The following TAS1R2 variants were observed in gnomAD, a reference collection of about 807,000 sequenced individuals.
TAS1R2 encodes the protein taste receptor type 1 member 2.
In TAS1R2, 47 loss-of-function variants were observed where a neutral mutation model predicts 49.3. The observed-to-expected ratio is 0.95, with a 90% CI of 0.75 to 1.22. The LOEUF is 1.22. Ranked by LOEUF, TAS1R2 falls within the 50% of genes most tolerant of loss-of-function variation. TAS1R2 has a pLI of 0.00. For missense variants in TAS1R2, 1,155 were observed against 1,122.1 expected, an observed-to-expected ratio of 1.03 and a Z score of -0.42; for synonymous variants, 479 against 467.9, an observed-to-expected ratio of 1.02 and a Z score of -0.31.
chr1:18,852,934 T>C (rs1934059631), intron 3 of TAS1R2, among the ~76,000 whole-genome samples: 2 of 152,232 alleles, frequency 1.3e-5, no homozygotes, highest in South Asian at 2.1e-4. Flanking sequence ...TGGCACATAG[T>C]AGGTGCTCAA....
rs1406283163 is a variant in TAS1R2 at position 18,854,251 on chromosome 1, T to C, written c.1219A>G (p.Lys407Glu). ...ACCACCCTCTTGGTGCAGGTGCTTTTGTCACAGCCGAGGAGGCTGTGCAGG... is the reference window on the plus strand; with the variant it reads ...ACCACCCTCTTGGTGCAGGTGCTTTCGTCACAGCCGAGGAGGCTGTGCAGG... Residue 407 changes from lysine to glutamate, a missense_variant, in exon 3 of 6, where the codon AAA becomes GAA. Physicochemically the swap from Lys to Glu is moderately conservative, Grantham distance 56. Transcript: ENST00000375371. This position sits in a 1 kb window ranked among gnomAD's most constrained non-coding sequence, Gnocchi z 4.9. 1.9e-6 allele frequency: 3 copies of C among 1,614,052 alleles called. No homozygotes were observed. The South Asian group carries it at 3.3e-5, about 18-fold the overall frequency.
Position 18,842,155 on chromosome 1 carries a change from G to A in TAS1R2, c.1468-303C>T, listed in dbSNP as rs560096825. Among the ~76,000 whole-genome samples, 3 of 152,320 alleles carry A rather than the reference G, an allele frequency of 2.0e-5. No homozygotes were observed. The East Asian group carries it at 5.8e-4, about 29-fold the overall frequency. On this transcript the variant is annotated intron_variant, in intron 4 of 5. Transcript: ENST00000375371. ...CCAGAGCTTAACTGACATGGAAAGAGAAATTCTGAACTCCAGCCCTCTCTA... is the reference window on the plus strand; with the variant it reads ...CCAGAGCTTAACTGACATGGAAAGAAAAATTCTGAACTCCAGCCCTCTCTA...
chr1:18,845,154 C>G (rs1933893968), intron 4 of TAS1R2, among the ~76,000 whole-genome samples: 2 of 152,182 alleles, frequency 1.3e-5, no homozygotes, highest in South Asian at 4.1e-4. Flanking sequence ...ATGCAGGACA[C>G]TGTATCACCT....
At chr1:18,848,165 G>A (rs574422536) in intron 4 of TAS1R2, among the ~76,000 whole-genome samples, 21 of 152,122 alleles carry the variant, frequency 1.4e-4, no homozygotes, top group Admixed American at 2.6e-4. Context: ...GAGAACCTCC[G>A]CCACAGACTA....
chr1:18,841,981 G>GAAAA, intron 4 of TAS1R2, 129 bp from the exon 5 acceptor site: 2 of 361,510 alleles, frequency 5.5e-6, no homozygotes, highest in Non-Finnish European at 4.2e-6. Flanking sequence ...GGTGGAAACT[G>GAAAA]TAGAAAAAAA....
chr1:18,854,311 T>A lies in TAS1R2; in HGVS notation c.1159A>T (p.Ser387Cys). 2 of 1,614,118 alleles carry A rather than the reference T, an allele frequency of 1.2e-6. No homozygotes were observed. The highest frequency in any genetic ancestry group is 1.7e-6 in the Non-Finnish European group (2 of 1,179,998). Residue 387 changes from serine (S) to cysteine (C), a missense_variant, in exon 3 of 6, where the codon AGC (serine) becomes TGC (cysteine). Coordinates refer to ENST00000375371, the Ensembl canonical transcript of TAS1R2. The surrounding 1 kb of genome is among the most constrained non-coding windows in gnomAD (Gnocchi z 4.9). ...ACAGCATAGACCGCAGAGTACACGC[T>A]GTAGACGACACGCTCCCCAGAGAGC...
intron 1 of TAS1R2, 79 bp downstream of exon 1, chr1:18,859,400 C>T: frequency 1.9e-6 from 3 of 1,548,980 alleles, no homozygotes; most frequent in Non-Finnish European, 2.7e-6. Context: ...CCTGGTCTGG[C>T]TCCCAAGGAC....
chr1:18,845,380 T>C (rs1442375270), intron 4 of TAS1R2, among the ~76,000 whole-genome samples: 2 of 152,334 alleles, frequency 1.3e-5, no homozygotes, highest in East Asian at 3.9e-4. Context: ...ATGGCTTGTG[T>C]ATAGTGTTGT....
Position 18,857,633 on chromosome 1 carries a change from T to C in TAS1R2, c.183-2A>G. ...TAGCCTATCACCTTCACTTCATACC[T>C]GGAGGGGCCACAGCATCATGAGGTG... On this transcript the variant is annotated splice_acceptor_variant, in intron 1 of 5. Transcript: ENST00000375371. LOFTEE classifies it high-confidence loss of function. 2 of 1,609,614 alleles carry C rather than the reference T, an allele frequency of 1.2e-6. No homozygotes were observed. The highest frequency in any genetic ancestry group is 1.7e-6 in the Non-Finnish European group (2 of 1,177,514).
At chr1:18,858,970 C>T (rs938443397) in intron 1 of TAS1R2, among the ~76,000 whole-genome samples, 12 of 152,178 alleles carry the variant, frequency 7.9e-5, no homozygotes, top group African/African-American at 2.4e-4. Context: ...TGCACACAGC[C>T]CCCACAATCT....
chr1:18,840,008 G>A, exon 6 of TAS1R2: 1 of 1,613,288 alleles, frequency 6.2e-7, no homozygotes, highest in African/African-American at 1.3e-5. Flanking sequence ...ACGGGTGGTG[G>A]GACTGAGGCC....
chr1:18,850,629 T>C (rs1452207431), intron 3 of TAS1R2, among the ~76,000 whole-genome samples: 1 of 152,258 alleles, frequency 6.6e-6, no homozygotes, highest in African/African-American at 2.4e-5. Flanking sequence ...TGCAATGACC[T>C]GCCCAAGCAG....
Position 18,844,470 on chromosome 1 carries a change from A to G in TAS1R2, c.1468-2618T>C, listed in dbSNP as rs116015892. 6.8e-3 allele frequency among the ~76,000 whole-genome samples: 1,031 copies of G among 152,340 alleles called. 4 individuals carry two copies. The highest frequency in any genetic ancestry group is 0.01 in the Admixed American group (156 of 15,304). On this transcript the variant is annotated intron_variant, in intron 4 of 5. Coordinates refer to ENST00000375371, the Ensembl canonical transcript of TAS1R2. ...CCAGATTAAAAGGTTGACTTGTCCC[A>G]GCCAGGCACCGTGGCTCATGCTTGT...
At chr1:18,847,799 T>A (rs1933949399) in intron 4 of TAS1R2, among the ~76,000 whole-genome samples, 1 of 152,208 alleles carries the variant, frequency 6.6e-6, no homozygotes, top group Admixed American at 6.5e-5. Flanking sequence ...GATAAAGACA[T>A]ACCCAAGACT....
chr1:18,845,167 G>T (rs1933894338), intron 4 of TAS1R2, among the ~76,000 whole-genome samples: 1 of 152,164 alleles, frequency 6.6e-6, no homozygotes, highest in Admixed American at 6.5e-5. Context: ...TATCACCTCA[G>T]ATCAGGAGTC....
At chr1:18,849,667 T>C (rs1933986171) in intron 3 of TAS1R2, 117 bp from the exon 4 acceptor site, 6 of 1,155,620 alleles carry the variant, frequency 5.2e-6, no homozygotes, top group Non-Finnish European at 7.4e-6. Context: ...CTCTGTAATA[T>C]GGAGGCAATA....
chr1:18,854,436 G>A lies in TAS1R2; in HGVS notation c.1034C>T (p.Ala345Val). 2 of 1,614,150 alleles carry A rather than the reference G, an allele frequency of 1.2e-6. No individual in the cohort carries two copies. Among genetic ancestry groups the A allele is most frequent in the Non-Finnish European group, 1.7e-6 (2 of 1,180,022 alleles). Residue 345 changes from alanine to valine, a missense_variant, in exon 3 of 6, where the codon GCT becomes GTT. Ala to Val is a moderately conservative substitution (Grantham distance 64). Coordinates refer to ENST00000375371, the Ensembl canonical transcript of TAS1R2. The surrounding 1 kb of genome is among the most constrained non-coding windows in gnomAD (Gnocchi z 4.9). ...GGTCCTGCTGAGGGGTGGCGGCCCA[G>A]CCTGTGGGCCCCACTCGCGGAACTC...
At position 18,854,208 on chromosome 1, in the gene TAS1R2, C is replaced by G; in HGVS notation, c.1257+5G>C. The G allele has an allele frequency of 6.2e-7, 1 of 1,610,878 alleles. No individual in the cohort carries two copies. Among genetic ancestry groups the G allele is most frequent in the East Asian group, 2.2e-5 (1 of 44,806 alleles). On this transcript the variant is annotated splice_donor_5th_base_variant and intron_variant, in intron 3 of 5. Transcript: ENST00000375371. This position sits in a 1 kb window ranked among gnomAD's most constrained non-coding sequence, Gnocchi z 4.9. ...CTGCAGACTCTATGGCAGCCACCCC[C>G]TCACCTGCCAGGGGTAGACCACCCT...
intron 3 of TAS1R2, among the ~76,000 whole-genome samples, chr1:18,850,416 G>C (rs1934000127): frequency 1.3e-5 from 2 of 152,222 alleles, no homozygotes; most frequent in South Asian, 4.1e-4. Flanking sequence ...AAGGGAGTCG[G>C]GCCCTGGCCT....
Sources: allele counts gnomAD v4.1 joint callset (sites outside exome capture counted in the v4.1 genomes callset), GRCh38; gene constraint gnomAD v4.1.1; non-coding constraint Gnocchi (gnomAD v3.1); transcripts MANE v1.5; gene names NCBI Gene and HGNC (gene_info 2026-07-23, HGNC 2026-07-21).